The following SPAG16 variants were observed in gnomAD, a reference collection of about 807,000 sequenced individuals.
SPAG16 encodes sperm associated antigen 16, also known as sperm-associated antigen 16 protein.
In SPAG16, 86 loss-of-function variants were observed where a neutral mutation model predicts 80.4. The observed-to-expected ratio is 1.07, with a 90% CI of 0.90 to 1.28. The LOEUF (loss-of-function observed/expected upper bound fraction) is 1.28, where lower values mean the gene tolerates loss of function less well. Ranked by LOEUF, SPAG16 falls within the 50% of genes most tolerant of loss-of-function variation. The pLI is 0.00. For synonymous variants in SPAG16, 294 were observed against 265.9 expected, an observed-to-expected ratio of 1.11 and a Z score of -1.03; for missense variants, 870 against 765.3, an observed-to-expected ratio of 1.14 and a Z score of -1.61.
intron 5 of SPAG16, among the ~76,000 whole-genome samples, chr2:213,322,876 A>G (rs1438920348): frequency 6.6e-6 from 1 of 152,118 alleles, no homozygotes; most frequent in African/African-American, 2.4e-5. Flanking sequence ...GGAAAAAGGA[A>G]GTATAAAGAG....
At chr2:214,400,411 A>G (rs1430404150) in intron 15 of SPAG16, among the ~76,000 whole-genome samples, 1 of 152,058 alleles carries the variant, frequency 6.6e-6, no homozygotes, top group African/African-American at 2.4e-5. Flanking sequence ...AAAATAATAT[A>G]AAAATATAAC....
chr2:214,264,915 A>G (rs562425738), intron 15 of SPAG16, among the ~76,000 whole-genome samples: 1 of 152,270 alleles, frequency 6.6e-6, no homozygotes, highest in South Asian at 2.1e-4. Context: ...TTCACTAAGC[A>G]ATATGGATTC....
chr2:214,289,286 G>A (rs2125927254), intron 15 of SPAG16, among the ~76,000 whole-genome samples: 1 of 152,200 alleles, frequency 6.6e-6, no homozygotes, highest in South Asian at 2.1e-4. Context: ...CTGCGCTTTT[G>A]GGGTCTTAGC....
At position 213,327,848 on chromosome 2, in the gene SPAG16, C is replaced by T. The variant is rs144589162; in HGVS notation, c.536+10492C>T. Among the ~76,000 whole-genome samples, 5 of 152,146 alleles carry T rather than the reference C, an allele frequency of 3.3e-5. No individual in the cohort carries two copies. The East Asian group carries it at 7.7e-4, about 23-fold the overall frequency. On this transcript the variant is annotated intron_variant, in intron 5 of 15. Coordinates refer to ENST00000331683, the MANE Select transcript of SPAG16 (RefSeq NM_024532.5). Reference sequence around the variant, plus strand: ...AATTGTGTGTGTCTGTTTTACTATACTGAATAGCAGTATTATGAAATGATG... The same window carrying T: ...AATTGTGTGTGTCTGTTTTACTATATTGAATAGCAGTATTATGAAATGATG...
chr2:214,190,689 G>A (rs1181795169), intron 15 of SPAG16, among the ~76,000 whole-genome samples: 1 of 152,006 alleles, frequency 6.6e-6, no homozygotes, highest in Non-Finnish European at 1.5e-5. Context: ...TTATGAGAGT[G>A]GGGGCCCCAT....
chr2:213,948,497 T>C (rs2079567924), intron 12 of SPAG16, among the ~76,000 whole-genome samples: 1 of 152,198 alleles, frequency 6.6e-6, no homozygotes, highest in Non-Finnish European at 1.5e-5. Flanking sequence ...ATCTTTGCCT[T>C]TAACCACCTC....
chr2:213,374,747 A>C (rs1410017980), intron 8 of SPAG16, among the ~76,000 whole-genome samples: 1 of 152,100 alleles, frequency 6.6e-6, no homozygotes, highest in Non-Finnish European at 1.5e-5. Context: ...TTGTGATAAC[A>C]GGAATTTGGA....
At chr2:214,366,636 T>TGG (rs1559246689) in intron 15 of SPAG16, among the ~76,000 whole-genome samples, 2 of 152,188 alleles carry the variant, frequency 1.3e-5, no homozygotes, top group Non-Finnish European at 2.9e-5. Context: ...ATATCATTTA[T>TGG]GCATTGAATA....
intron 12 of SPAG16, among the ~76,000 whole-genome samples, chr2:213,972,097 A>G (rs1366506122): frequency 6.6e-6 from 1 of 151,784 alleles, no homozygotes; most frequent in Non-Finnish European, 1.5e-5. Flanking sequence ...CAAATAATCC[A>G]CTTATACTCT....
At chr2:213,463,756 G>A (rs897263553) in intron 9 of SPAG16, among the ~76,000 whole-genome samples, 3 of 152,260 alleles carry the variant, frequency 2.0e-5, no homozygotes, top group African/African-American at 7.2e-5. Context: ...TCTGCTAGGG[G>A]AGTGCAGAAG....
intron 15 of SPAG16, among the ~76,000 whole-genome samples, chr2:214,186,947 A>G (rs1195753093): frequency 2.0e-5 from 3 of 152,094 alleles, no homozygotes; most frequent in Non-Finnish European, 4.4e-5. Flanking sequence ...TTGTTTTAGT[A>G]GAGACAGGGT....
In SPAG16 at chr2:214,065,096, T is replaced by A. The variant is rs868277100; in HGVS notation, c.1528-43100T>A. On this transcript the variant is annotated intron_variant, in intron 13 of 15. Coordinates refer to ENST00000331683, the MANE Select transcript of SPAG16 (RefSeq NM_024532.5). ...TTGATATAAATATTATCTCAGTTTT[T>A]ACAGATGAGAAAGTTGAGGTTTAAG... 3.9e-5 allele frequency among the ~76,000 whole-genome samples: 6 copies of A among 152,056 alleles called. No homozygotes were observed. The South Asian group carries it at 8.3e-4, about 21-fold the overall frequency.
intron 10 of SPAG16, among the ~76,000 whole-genome samples, chr2:213,812,393 A>T (rs2072218645): frequency 6.6e-6 from 1 of 152,220 alleles, no homozygotes; most frequent in Non-Finnish European, 1.5e-5. Flanking sequence ...CTAAGTTAGT[A>T]GTTGGAGGCT....
At chr2:213,757,003 G>A (rs748882943) in intron 10 of SPAG16, among the ~76,000 whole-genome samples, 1 of 152,086 alleles carries the variant, frequency 6.6e-6, no homozygotes. Flanking sequence ...ACATAAAAAA[G>A]CTTACTAGAA....
intron 4 of SPAG16, among the ~76,000 whole-genome samples, chr2:213,312,299 T>C (rs2063223054): frequency 6.6e-6 from 1 of 151,716 alleles, no homozygotes; most frequent in Non-Finnish European, 1.5e-5. Flanking sequence ...CAATTCTATT[T>C]ATATGCCTAT....
chr2:213,334,719 C>T (rs1292475651), intron 5 of SPAG16, among the ~76,000 whole-genome samples: 1 of 152,170 alleles, frequency 6.6e-6, no homozygotes, highest in East Asian at 1.9e-4. Context: ...ACAAATTTCA[C>T]ATGTTCTCAT....
intron 15 of SPAG16, among the ~76,000 whole-genome samples, chr2:214,232,319 A>G (rs895552551): frequency 5.9e-5 from 9 of 151,970 alleles, no homozygotes; most frequent in African/African-American, 2.2e-4. Context: ...ATTGGTATGA[A>G]ATATTTCAGT....
At chr2:213,851,050 G>T in intron 10 of SPAG16, among the ~76,000 whole-genome samples, 1 of 152,048 alleles carries the variant, frequency 6.6e-6, no homozygotes, top group East Asian at 1.9e-4. Flanking sequence ...TCCTAGAGAA[G>T]TGCTTATATT....
intron 13 of SPAG16, among the ~76,000 whole-genome samples, chr2:214,016,879 G>C (rs2047617320): frequency 6.6e-6 from 1 of 152,052 alleles, no homozygotes; most frequent in Non-Finnish European, 1.5e-5. Flanking sequence ...AAAGAGAAAT[G>C]TAATTTCTCC....
Sources: allele counts gnomAD v4.1 joint callset (sites outside exome capture counted in the v4.1 genomes callset), GRCh38; gene constraint gnomAD v4.1.1; transcripts MANE v1.5; gene names NCBI Gene and HGNC (gene_info 2026-07-23, HGNC 2026-07-21).